SLC12A6: variants seen among roughly 807,000 people sequenced by gnomAD.
The protein encoded by SLC12A6 is K-Cl cotransporter 3.
A neutral mutation model predicts 135.3 loss-of-function variants in SLC12A6; 66 were observed. That is an observed-to-expected ratio of 0.49 (90% confidence interval 0.40 to 0.60). The LOEUF is 0.60. SLC12A6 is among the 20% of genes least tolerant of loss of function. The pLI is 0.00. For synonymous variants in SLC12A6, 513 were observed against 508.8 expected, an observed-to-expected ratio of 1.01 and a Z score of -0.11; for missense variants, 1,058 against 1,452.3, an observed-to-expected ratio of 0.73 and a Z score of 4.41.
At chr15:34,288,366 T>C (rs1192727180) in intron 2 of SLC12A6, among the ~76,000 whole-genome samples, 2 of 152,256 alleles carry the variant, frequency 1.3e-5, no homozygotes, top group Non-Finnish European at 2.9e-5. Context: ...ACCAGTACCA[T>C]GCTGTTTTGG....
chr15:34,312,019 G>A (rs1888294344), intron 2 of SLC12A6, among the ~76,000 whole-genome samples: 1 of 152,206 alleles, frequency 6.6e-6, no homozygotes, highest in Non-Finnish European at 1.5e-5. Context: ...TTTGAGTGCT[G>A]TCACATATGT....
intron 2 of SLC12A6, among the ~76,000 whole-genome samples, chr15:34,321,111 T>G (rs1889058235): frequency 1.3e-5 from 2 of 152,070 alleles, no homozygotes; most frequent in Admixed American, 1.3e-4. Context: ...AAGTCACCAT[T>G]GTAAGTGGTG....
At chr15:34,301,466 A>T (rs1896252561) in intron 2 of SLC12A6, among the ~76,000 whole-genome samples, 1 of 152,232 alleles carries the variant, frequency 6.6e-6, no homozygotes, top group Non-Finnish European at 1.5e-5. Flanking sequence ...AGAAGGAAAC[A>T]GAGGGAAAAA....
intron 17 of SLC12A6, 152 bp downstream of exon 17, chr15:34,241,950 C>T (rs905252756): frequency 1.2e-5 from 8 of 653,808 alleles, no homozygotes; most frequent in Non-Finnish European, 1.1e-5. Flanking sequence ...GAAAAGCTTG[C>T]ATCATTAAGA....
chr15:34,311,441 T>C (rs1888249990), intron 2 of SLC12A6, among the ~76,000 whole-genome samples: 1 of 152,222 alleles, frequency 6.6e-6, no homozygotes, highest in African/African-American at 2.4e-5. Flanking sequence ...TAAAACTTTG[T>C]TATATTGGTC....
chr15:34,295,388 CAATAGGAAT>C (rs1182695102), intron 2 of SLC12A6, among the ~76,000 whole-genome samples: 3 of 152,140 alleles, frequency 2.0e-5, no homozygotes, highest in Admixed American at 1.3e-4. Context: ...ACCATCTATG[CAATAGGAAT>C]AATACTATAT....
intron 24 of SLC12A6, 117 bp from the exon 25 acceptor site, chr15:34,235,431 A>ATTGTTT: frequency 2.0e-6 from 1 of 501,888 alleles, no homozygotes; most frequent in Non-Finnish European, 3.4e-6. Flanking sequence ...TGATAAAATG[A>ATTGTTT]TTTTTTTTTT....
chr15:34,265,094 G>A (rs1219178143), intron 3 of SLC12A6, among the ~76,000 whole-genome samples: 1 of 152,200 alleles, frequency 6.6e-6, no homozygotes, highest in East Asian at 1.9e-4. Context: ...CTACTTGGGA[G>A]GCTGAGGCAG....
At chr15:34,310,157 CA>C (rs1888053037) in intron 2 of SLC12A6, among the ~76,000 whole-genome samples, 1 of 150,718 alleles carries the variant, frequency 6.6e-6, no homozygotes, top group Non-Finnish European at 1.5e-5. Flanking sequence ...TACAGGCACA[CA>C]ACACCACGCC....
At chr15:34,314,826 T>TAAAAAAAAAAAAAAAA (rs566307709) in intron 2 of SLC12A6, 1 of 136,044 alleles carries the variant, frequency 7.4e-6, no homozygotes. Context: ...TGACCAGCCT[T>TAAAAAAAAAAAAAAAA]AAAAAAAAAA....
chr15:34,318,709 T>G, intron 2 of SLC12A6: 1 of 1,612,974 alleles, frequency 6.2e-7, no homozygotes, highest in South Asian at 1.1e-5. Context: ...TTGCTCTTTC[T>G]GTATTTAAAC....
At chr15:34,249,895 T>C (rs554296542) in intron 13 of SLC12A6, among the ~76,000 whole-genome samples, 37 of 152,322 alleles carry the variant, frequency 2.4e-4, no homozygotes, top group Middle Eastern at 3.4e-3. Flanking sequence ...TTAGTCATGA[T>C]TGATAACTCA....
intron 3 of SLC12A6, among the ~76,000 whole-genome samples, chr15:34,274,851 C>T (rs1413211111): frequency 4.6e-5 from 7 of 151,952 alleles, no homozygotes; most frequent in African/African-American, 1.7e-4. Flanking sequence ...TATGCACTTA[C>T]TTTAAAGAAG....
intron 2 of SLC12A6, among the ~76,000 whole-genome samples, chr15:34,315,497 G>A (rs1164298651): frequency 6.6e-6 from 1 of 152,166 alleles, no homozygotes; most frequent in African/African-American, 2.4e-5. Context: ...TGAGGCAGGA[G>A]GGGAGGATCG....
At chr15:34,248,327 C>G (rs1209037897) in intron 13 of SLC12A6, among the ~76,000 whole-genome samples, 1 of 152,068 alleles carries the variant, frequency 6.6e-6, no homozygotes, top group Non-Finnish European at 1.5e-5. Flanking sequence ...GTGAATTAGT[C>G]TTGATGCACA....
At position 34,242,209 on chromosome 15, in the gene SLC12A6, G is replaced by T; in HGVS notation, c.2055C>A (p.Phe685Leu). Residue 685 changes from phenylalanine to leucine, a missense_variant, in exon 17 of 26, where the codon TTC (phenylalanine) becomes TTA (leucine). Phe to Leu is a conservative substitution (Grantham distance 22, BLOSUM62 0). Transcript: ENST00000354181. ...RFRYYHWALSFMGMSICLALM... is the reference protein window; with the variant it reads ...RFRYYHWALSLMGMSICLALM... ...GAGCCAGACAGATACTCATTCCCAT[G>T]AAAGAAAGGGCCCTAGAAAATTAAA... 1 of 1,600,536 alleles carries T rather than the reference G, an allele frequency of 6.2e-7. No homozygotes were observed. The highest frequency in any genetic ancestry group is 8.6e-7 in the Non-Finnish European group (1 of 1,167,986).
rs552979857 is a variant in SLC12A6, at chr15:34,281,884, A to C, written c.272-6495T>G. ...TGTAAACCAGTGCATACAAAAAGTTAATTCTTTATGTTTCTACACTACCTC... is the reference window on the plus strand; with the variant it reads ...TGTAAACCAGTGCATACAAAAAGTTCATTCTTTATGTTTCTACACTACCTC... On this transcript the variant is annotated intron_variant, in intron 2 of 25. Transcript: ENST00000354181. 3.9e-5 allele frequency among the ~76,000 whole-genome samples: 6 copies of C among 152,286 alleles called. No homozygotes were observed. In the South Asian group the frequency reaches 1.2e-3, roughly 32 times the overall value.
intron 2 of SLC12A6, among the ~76,000 whole-genome samples, chr15:34,300,868 T>C: frequency 6.6e-6 from 1 of 151,788 alleles, no homozygotes; most frequent in East Asian, 1.9e-4. Context: ...TATCTGCCCA[T>C]TATAAGCATT....
chr15:34,245,727 G>C lies in SLC12A6; in HGVS notation c.1790C>G (p.Ala597Gly). 6.2e-7 allele frequency: 1 copy of C among 1,613,928 alleles called. No homozygotes were observed. Among genetic ancestry groups the C allele is most frequent in the Non-Finnish European group, 8.5e-7 (1 of 1,179,824 alleles). ...SLTGAPRLLQ[A>G]IAKDNIIPFL... ...CGGTATGATGTTATCCTTGGCAATA[G>C]CTTGTAGCAGCCTCGGTGCACCTGT... is the stretch of plus-strand genomic sequence containing the variant. Residue 597 changes from alanine (A) to glycine (G), a missense_variant, in exon 14 of 26, where the codon GCT (alanine) becomes GGT (glycine). By Grantham distance (60) the Ala-to-Gly change is moderately conservative (BLOSUM62 0). Coordinates refer to ENST00000354181, the MANE Select transcript of SLC12A6 (RefSeq NM_001365088.1).
Sources: gnomAD v4.1 joint callset for allele counts (sites outside exome capture counted in the v4.1 genomes callset) on GRCh38, gnomAD v4.1.1 for gene constraint, MANE v1.5 for transcripts, NCBI Gene and HGNC (gene_info 2026-07-23, HGNC 2026-07-21) for gene names.